ZNF451: variants seen among roughly 807,000 people sequenced by gnomAD.
ZNF451 encodes zinc finger protein 451.
ZNF451 carries 80 observed loss-of-function variants against 107.1 expected under a neutral mutation model. The ratio of observed to expected loss-of-function variants is 0.75; its 90% CI spans 0.62 to 0.90. The LOEUF (loss-of-function observed/expected upper bound fraction) is 0.90, where lower values mean the gene tolerates loss of function less well. Ranked by LOEUF, ZNF451 falls within the 40% of genes least tolerant of loss-of-function variation. ZNF451 has a pLI of 0.00. For synonymous variants in ZNF451, 362 were observed against 406.5 expected (o/e 0.89, Z 1.32); for missense variants, 1,107 against 1,236.2 (o/e 0.90, Z 1.57).
chr6:57,141,882 G>A lies in ZNF451; in HGVS notation c.857-66G>A, dbSNP rs191015695. ...CCAACTAATGTTGAGAAGGGCTGAG[G>A]GGAGGAAGGTTGGGTTACTCTGTAC... On this transcript the variant is annotated intron_variant, in intron 8 of 14. Transcript: ENST00000370706. 125 of 1,404,608 alleles carry A rather than the reference G, an allele frequency of 8.9e-5. 1 individual carries two copies. The African/African-American group carries it at 1.7e-3, about 19-fold the overall frequency. The allele number at this position is 1,404,608 out of a possible 1,614,324, so 87.0% of individuals were successfully genotyped here.
At chr6:57,134,267 G>A (rs906842133) in intron 6 of ZNF451, 1 of 153,644 alleles carries the variant, frequency 6.5e-6, no homozygotes, top group African/African-American at 2.4e-5. Context: ...CTTAGCTAAA[G>A]TGCTCCAGGC....
intron 9 of ZNF451, among the ~76,000 whole-genome samples, chr6:57,145,792 T>A (rs1013217657): frequency 6.6e-6 from 1 of 152,158 alleles, no homozygotes; most frequent in Non-Finnish European, 1.5e-5. Flanking sequence ...GATATAATGC[T>A]TACTTTTTCT....
At chr6:57,120,980 C>T (rs72867038) in intron 3 of ZNF451, among the ~76,000 whole-genome samples, 10,731 of 152,128 alleles carry the variant, frequency 0.071, 510 homozygotes, top group East Asian at 0.095. Context: ...TTTAGATTTT[C>T]TCCTATGTTA....
intron 2 of ZNF451, 123 bp from the exon 3 acceptor site, chr6:57,098,938 C>T: frequency 1.6e-6 from 1 of 611,274 alleles, no homozygotes; most frequent in Non-Finnish European, 2.9e-6. Context: ...TTTCTGCTAC[C>T]CACAAAGCTC....
intron 11 of ZNF451, chr6:57,151,214 T>TA (rs1832330481): frequency 6.3e-6 from 1 of 159,286 alleles, no homozygotes; most frequent in East Asian, 1.8e-4. Context: ...AAAAAAAAAA[T>TA]ACAAAAAATT....
At chr6:57,104,849 G>A in intron 3 of ZNF451, 1 of 985,366 alleles carries the variant, frequency 1.0e-6, no homozygotes, top group Non-Finnish European at 1.2e-6. Context: ...TCCTGGAAGT[G>A]TAAAGGTATT....
intron 4 of ZNF451, chr6:57,126,601 A>C (rs1830941278): frequency 6.6e-6 from 1 of 152,120 alleles, no homozygotes; most frequent in African/African-American, 2.4e-5. Flanking sequence ...AGAGGTTTCA[A>C]AGAAAAAAAA....
chr6:57,129,093 A>G (rs1831063171), intron 5 of ZNF451, among the ~76,000 whole-genome samples: 1 of 152,110 alleles, frequency 6.6e-6, no homozygotes, highest in Admixed American at 6.6e-5. Flanking sequence ...TCATTTATTC[A>G]TTTATATATT....
intron 12 of ZNF451, among the ~76,000 whole-genome samples, chr6:57,153,214 C>T (rs1208604316): frequency 6.6e-6 from 1 of 152,106 alleles, no homozygotes; most frequent in Admixed American, 6.6e-5. Flanking sequence ...TTCTCTATGG[C>T]AGATTTATTT....
chr6:57,129,712 C>T (rs1413279091), intron 5 of ZNF451, among the ~76,000 whole-genome samples: 2 of 151,982 alleles, frequency 1.3e-5, no homozygotes, highest in Non-Finnish European at 2.9e-5. Flanking sequence ...CTGACATAAT[C>T]GATGTTTTAG....
chr6:57,098,241 A>C (rs1829420540), intron 2 of ZNF451, among the ~76,000 whole-genome samples: 1 of 151,266 alleles, frequency 6.6e-6, no homozygotes, highest in Non-Finnish European at 1.5e-5. Context: ...AAAAGTACAC[A>C]AATTAGCCAG....
At position 57,170,001 on chromosome 6, in the gene ZNF451, G is replaced by A. The variant is rs562549446; in HGVS notation, c.*1532G>A. 1 of 152,120 alleles carries A rather than the reference G, an allele frequency of 6.6e-6. No individual in the cohort carries two copies. The highest frequency in any genetic ancestry group is 1.5e-5 in the Non-Finnish European group (1 of 68,026). 9.4% of individuals were successfully genotyped at this position (152,120 alleles called of 1,614,324 possible). A position where few individuals can be genotyped will look rare whatever the true frequency, so the allele number is the denominator to read the frequency against. ...CTTGTTGCCAGAGATTCTACACAAA[G>A]GTGTGATGGACACTGATGCTCTATT... On this transcript the variant is annotated 3_prime_UTR_variant, in exon 15 of 15. Coordinates refer to ENST00000370706, the MANE Select transcript of ZNF451 (RefSeq NM_001031623.3).
intron 3 of ZNF451, chr6:57,115,160 C>T (rs953530355): frequency 2.6e-5 from 4 of 151,902 alleles, no homozygotes; most frequent in African/African-American, 9.7e-5. Flanking sequence ...CTCAGGAGGC[C>T]GAAGTGAGAG....
intron 7 of ZNF451, among the ~76,000 whole-genome samples, chr6:57,137,877 T>C (rs1469254337): frequency 2.0e-5 from 3 of 152,252 alleles, no homozygotes; most frequent in Non-Finnish European, 4.4e-5. Context: ...CTAGATTGTT[T>C]CACTTCCCAT....
chr6:57,147,287 A>T lies in ZNF451; in HGVS notation c.1202A>T (p.Tyr401Phe), dbSNP rs769299346. The T allele has an allele frequency of 1.4e-5, 23 of 1,614,040 alleles. No individual in the cohort carries two copies. In the South Asian group the frequency reaches 2.0e-4, roughly 14 times the overall value. ...TCAGTGGAAGAATCAGTCTTACTCT[A>T]TTGCCACAGCAGCGAAGGGAACAAG... ...INSVEESVLL[Y>F]CHSSEGNKDP... is the part of the protein sequence containing the mutation. Residue 401 changes from tyrosine (Y) to phenylalanine (F), a missense_variant, in exon 10 of 15, where the codon TAT becomes TTT. This residue lies in a region of ZNF451 where 608 missense variants were observed against 649.2 expected (regional missense o/e 0.94). Coordinates refer to ENST00000370706, the MANE Select transcript of ZNF451 (RefSeq NM_001031623.3).
chr6:57,096,176 G>GTTTTTTT (rs749589304), intron 2 of ZNF451, among the ~76,000 whole-genome samples: 235 of 58,448 alleles, frequency 4.0e-3, no homozygotes, highest in Non-Finnish European at 4.7e-3. Flanking sequence ...CTTTCTTTCT[G>GTTTTTTT]TTTTTTTTTT....
chr6:57,114,894 T>G (rs1024254447), intron 3 of ZNF451: 1 of 152,196 alleles, frequency 6.6e-6, no homozygotes, highest in Non-Finnish European at 1.5e-5. Flanking sequence ...ATAACCACTA[T>G]TTAACATTTT....
At position 57,150,711 on chromosome 6, in the gene ZNF451, CT is replaced by C; in HGVS notation, c.2609-6del. 6.3e-7 allele frequency: 1 copy of C among 1,593,434 alleles called. No homozygotes were observed. Among genetic ancestry groups the C allele is most frequent in the Non-Finnish European group, 8.5e-7 (1 of 1,172,036 alleles). The stretch of plus-strand genomic sequence containing the variant: ...ACTGAACTCATGTTGATATTTCTCT[CT>C]TCTCAGAGGAAGAAATTGTTGAGCT... On this transcript the variant is annotated splice_polypyrimidine_tract_variant and splice_region_variant and intron_variant, in intron 10 of 14. Coordinates refer to ENST00000370706, the MANE Select transcript of ZNF451 (RefSeq NM_001031623.3).
intron 3 of ZNF451, chr6:57,106,799 A>C (rs753485840): frequency 3.0e-6 from 3 of 985,178 alleles, no homozygotes; most frequent in East Asian, 2.3e-4. Context: ...GTGGTTTATC[A>C]TAGTAGATAC....
Sources: allele counts gnomAD v4.1 joint callset (sites outside exome capture counted in the v4.1 genomes callset), GRCh38; gene constraint gnomAD v4.1.1; regional missense constraint gnomAD v4.1.1; transcripts MANE v1.5; gene names NCBI Gene and HGNC (gene_info 2026-07-23, HGNC 2026-07-21).